Variants in DCDC1 observed in about 807,000 individuals in gnomAD.
The protein encoded by DCDC1 is doublecortin domain containing 1, also known as doublecortin domain-containing protein 1.
In DCDC1, 200 loss-of-function variants were observed where a neutral mutation model predicts 178.3. That is an observed-to-expected ratio of 1.12 (90% CI 1.00 to 1.26). The LOEUF (loss-of-function observed/expected upper bound fraction) is 1.26. Among genes scored for constraint, DCDC1 ranks in the 50% most tolerant of loss-of-function variants. The pLI, the probability that DCDC1 is intolerant of heterozygous loss-of-function variation, is 0.00. For synonymous variants in DCDC1, 690 were observed against 604.8 expected (o/e 1.14, Z -2.07); for missense variants, 1,983 against 1,749.2 (o/e 1.13, Z -2.38).
At chr11:30,950,407 GCAGCACTATT>G (rs967509222) in intron 21 of DCDC1, among the ~76,000 whole-genome samples, 6 of 152,086 alleles carry the variant, frequency 3.9e-5, no homozygotes, top group African/African-American at 1.4e-4. Context: ...CTTGTTTATT[GCAGCACTATT>G]CAGCACTATT....
At chr11:31,353,026 CACAA>C (rs1951153855) in intron 1 of DCDC1, among the ~76,000 whole-genome samples, 1 of 152,212 alleles carries the variant, frequency 6.6e-6, no homozygotes, top group Admixed American at 6.5e-5. Flanking sequence ...TACAAGTGTG[CACAA>C]ACACACACAA....
intron 9 of DCDC1, among the ~76,000 whole-genome samples, chr11:31,173,259 A>G (rs960327678): frequency 1.3e-5 from 2 of 152,252 alleles, no homozygotes; most frequent in Non-Finnish European, 2.9e-5. Context: ...GTGTATACCA[A>G]CAATTAATTC....
intron 20 of DCDC1, among the ~76,000 whole-genome samples, chr11:30,962,100 T>C (rs1438181677): frequency 6.6e-6 from 1 of 152,128 alleles, no homozygotes; most frequent in Non-Finnish European, 1.5e-5. Context: ...TAATATTTTA[T>C]GTAAACAATT....
chr11:31,104,228 T>C (rs1030040546), intron 13 of DCDC1, among the ~76,000 whole-genome samples: 1 of 152,176 alleles, frequency 6.6e-6, no homozygotes, highest in Admixed American at 6.6e-5. Context: ...TTAGGCACAC[T>C]GTTTTAAGTG....
chr11:30,939,731 G>A (rs188162524), intron 21 of DCDC1, among the ~76,000 whole-genome samples: 1 of 152,288 alleles, frequency 6.6e-6, no homozygotes, highest in Non-Finnish European at 1.5e-5. Context: ...CTAGGTACAT[G>A]AGCTGAGCAG....
intron 5 of DCDC1, among the ~76,000 whole-genome samples, chr11:31,306,006 C>T (rs1403142236): frequency 6.6e-6 from 1 of 151,972 alleles, no homozygotes; most frequent in African/African-American, 2.4e-5. Flanking sequence ...TTTAATAACT[C>T]TACAAGGTAT....
chr11:31,000,965 T>A (rs1402623626), intron 20 of DCDC1, among the ~76,000 whole-genome samples: 2 of 152,202 alleles, frequency 1.3e-5, no homozygotes, highest in Non-Finnish European at 2.9e-5. Context: ...ACTGTATATA[T>A]GCTGATCCTT....
intron 20 of DCDC1, among the ~76,000 whole-genome samples, chr11:30,964,079 GT>G (rs1007934426): frequency 4.6e-5 from 7 of 151,932 alleles, no homozygotes; most frequent in Non-Finnish European, 8.8e-5. Context: ...CTAAAAATAT[GT>G]TTTTTTAAAA....
intron 36 of DCDC1, among the ~76,000 whole-genome samples, chr11:30,888,118 G>GAA (rs879432091): frequency 7.5e-6 from 1 of 133,486 alleles, no homozygotes; most frequent in Admixed American, 8.7e-5. Context: ...AAGAAAGAAA[G>GAA]AAAGAAAGAA....
In DCDC1 at chr11:31,118,517, T is replaced by C. The variant is rs17425760; in HGVS notation, c.1486-8156A>G. 4.5e-3 allele frequency among the ~76,000 whole-genome samples: 687 copies of C among 152,222 alleles called. 3 individuals are homozygous for C. The highest frequency in any genetic ancestry group is 9.5e-3 in the South Asian group (46 of 4,824). On this transcript the variant is annotated intron_variant, in intron 11 of 38. Transcript: ENST00000684477. The stretch of plus-strand genomic sequence containing the variant: ...ACGTTCATGGTGAGTCAGACTAACA[T>C]AGATGTCAGTCGGTAATCCAGGGGA...
intron 27 of DCDC1, among the ~76,000 whole-genome samples, chr11:30,913,204 A>G (rs482612): frequency 0.049 from 7,450 of 152,012 alleles, 599 homozygotes; most frequent in African/African-American, 0.17. Flanking sequence ...GGCGGATCAC[A>G]AGGTCAGGAG....
At chr11:31,004,956 A>G (rs1241880540) in intron 20 of DCDC1, among the ~76,000 whole-genome samples, 2 of 152,312 alleles carry the variant, frequency 1.3e-5, no homozygotes, top group Admixed American at 6.5e-5. Context: ...TAACATATGT[A>G]ATTGGATGAA....
At chr11:30,872,354 A>T (rs777830238) in intron 38 of DCDC1, among the ~76,000 whole-genome samples, 1 of 152,242 alleles carries the variant, frequency 6.6e-6, no homozygotes, top group Non-Finnish European at 1.5e-5. Flanking sequence ...AAATACACAC[A>T]GGATATGGAG....
intron 1 of DCDC1, among the ~76,000 whole-genome samples, chr11:31,358,827 T>C (rs1951542387): frequency 2.0e-5 from 3 of 152,020 alleles, no homozygotes; most frequent in Admixed American, 1.3e-4. Flanking sequence ...AAAAAACACA[T>C]GAAAAATGCT....
At chr11:31,308,911 T>G (rs927141941) in intron 3 of DCDC1, among the ~76,000 whole-genome samples, 3 of 152,010 alleles carry the variant, frequency 2.0e-5, no homozygotes, top group African/African-American at 7.3e-5. Flanking sequence ...CAATAGTTAT[T>G]GCATAATATA....
chr11:31,000,913 A>G (rs1951536214), intron 20 of DCDC1, among the ~76,000 whole-genome samples: 1 of 152,182 alleles, frequency 6.6e-6, no homozygotes, highest in Admixed American at 6.5e-5. Flanking sequence ...ACATATAATT[A>G]TATATACATG....
chr11:30,875,234 C>T (rs1345303089), intron 38 of DCDC1, among the ~76,000 whole-genome samples: 2 of 152,174 alleles, frequency 1.3e-5, no homozygotes, highest in East Asian at 1.9e-4. Flanking sequence ...TATGGCCACA[C>T]AGCCCCAAAC....
intron 3 of DCDC1, among the ~76,000 whole-genome samples, chr11:31,322,689 T>A (rs1949431862): frequency 6.6e-6 from 1 of 152,220 alleles, no homozygotes; most frequent in South Asian, 2.1e-4. Flanking sequence ...CCAAAGGATC[T>A]AGCCAATATT....
intron 9 of DCDC1, among the ~76,000 whole-genome samples, chr11:31,217,138 A>C (rs1216560685): frequency 3.3e-5 from 5 of 152,180 alleles, no homozygotes; most frequent in Admixed American, 3.3e-4. Flanking sequence ...AAGGGAGGTA[A>C]GAGGCACACT....
Sources: gnomAD v4.1 joint callset for allele counts (sites outside exome capture counted in the v4.1 genomes callset) on GRCh38, gnomAD v4.1.1 for gene constraint, MANE v1.5 for transcripts, NCBI Gene and HGNC (gene_info 2026-07-23, HGNC 2026-07-21) for gene names.